MAP4K4: variants seen among roughly 807,000 people sequenced by gnomAD.
The protein encoded by MAP4K4 is HPK/GCK-like kinase HGK.
MAP4K4 carries 38 observed loss-of-function variants against 189.6 expected under a neutral mutation model. That is an observed-to-expected ratio of 0.20 (90% CI 0.15 to 0.26). MAP4K4 has a LOEUF of 0.26. Among genes scored for constraint, MAP4K4 ranks in the 10% least tolerant of loss-of-function variants. The pLI is 1.00. For missense variants in MAP4K4, 1,054 were observed against 1,726.9 expected (o/e 0.61, Z 6.91); for synonymous variants, 610 against 624.3 (o/e 0.98, Z 0.34).
At chr2:101,859,158 G>A in intron 14 of MAP4K4, 76 bp downstream of exon 14, 1 of 1,367,850 alleles carries the variant, frequency 7.3e-7, no homozygotes. Flanking sequence ...AAGCTGTGGT[G>A]GTCACCAGAC....
intron 9 of MAP4K4, among the ~76,000 whole-genome samples, chr2:101,837,002 T>G (rs895567315): frequency 9.9e-5 from 15 of 152,132 alleles, no homozygotes; most frequent in African/African-American, 3.4e-4. Flanking sequence ...TCTTGTTTGT[T>G]CTGGTCTGTA....
intron 2 of MAP4K4, among the ~76,000 whole-genome samples, chr2:101,785,656 CTTCT>C (rs2090283829): frequency 7.9e-5 from 5 of 62,934 alleles, no homozygotes; most frequent in Admixed American, 6.2e-4. Flanking sequence ...ACATTGCCAT[CTTCT>C]TCTTTCTTTC....
intron 2 of MAP4K4, among the ~76,000 whole-genome samples, chr2:101,745,367 A>G (rs1276562905): frequency 4.9e-5 from 6 of 123,100 alleles, no homozygotes; most frequent in African/African-American, 1.8e-4. Context: ...CCTCCTCCCA[A>G]ATAATACTGT....
chr2:101,875,136 C>A (rs1205032706), intron 26 of MAP4K4, among the ~76,000 whole-genome samples: 1 of 152,120 alleles, frequency 6.6e-6, no homozygotes, highest in African/African-American at 2.4e-5. Flanking sequence ...GGCAGCAGTT[C>A]TATCAATAAA....
rs766397676 is a variant in MAP4K4 at position 101,858,953 on chromosome 2, T to C, written c.1396-43T>C. 2.0e-6 allele frequency: 3 copies of C among 1,493,358 alleles called. No individual in the cohort carries two copies. In the African/African-American group the frequency reaches 4.1e-5, roughly 21 times the overall value. The allele number at this position is 1,493,358 out of a possible 1,614,324, so 92.5% of individuals were successfully genotyped here. On this transcript the variant is annotated intron_variant, in intron 13 of 32. Transcript: ENST00000324219. ...CTCCATTCAGGTGGTTCTGATGCTT[T>C]TCTTTGGGATAATTTGATTGCTGGG... is the stretch of plus-strand genomic sequence containing the variant.
intron 2 of MAP4K4, among the ~76,000 whole-genome samples, chr2:101,751,760 C>G (rs1343731337): frequency 6.6e-6 from 1 of 152,206 alleles, no homozygotes; most frequent in Non-Finnish European, 1.5e-5. Context: ...GGCTCGACTA[C>G]AGACACCTGT....
intron 2 of MAP4K4, among the ~76,000 whole-genome samples, chr2:101,731,831 C>T (rs964008722): frequency 1.3e-5 from 2 of 151,730 alleles, no homozygotes; most frequent in Non-Finnish European, 2.9e-5. Context: ...AATAATGCAC[C>T]CTGTTCCTGT....
At chr2:101,809,167 A>C (rs371599688) in intron 3 of MAP4K4, among the ~76,000 whole-genome samples, 1 of 152,316 alleles carries the variant, frequency 6.6e-6, no homozygotes, top group Non-Finnish European at 1.5e-5. Flanking sequence ...TCACCACTTC[A>C]TGGTACACCT....
intron 2 of MAP4K4, among the ~76,000 whole-genome samples, chr2:101,716,640 G>A (rs1451025739): frequency 1.3e-5 from 2 of 152,106 alleles, no homozygotes; most frequent in Non-Finnish European, 2.9e-5. Context: ...CTGGCTTCGT[G>A]TTGTATAAGC....
chr2:101,700,299 A>G (rs1281241130), intron 2 of MAP4K4, among the ~76,000 whole-genome samples: 7 of 152,192 alleles, frequency 4.6e-5, no homozygotes. Flanking sequence ...CCTCATTGCC[A>G]TTTTGGTTCC....
At chr2:101,781,295 T>G (rs756502675) in intron 2 of MAP4K4, among the ~76,000 whole-genome samples, 2 of 152,120 alleles carry the variant, frequency 1.3e-5, no homozygotes, top group Non-Finnish European at 2.9e-5. Context: ...TCACCAGATG[T>G]CTCTAAAACT....
At chr2:101,776,587 CAA>C (rs1208423161) in intron 2 of MAP4K4, among the ~76,000 whole-genome samples, 3 of 111,102 alleles carry the variant, frequency 2.7e-5, no homozygotes, top group Admixed American at 2.0e-4. Flanking sequence ...CCCACCCCCC[CAA>C]AAAAAAACAC....
At chr2:101,699,644 G>T (rs930010823) in intron 2 of MAP4K4, among the ~76,000 whole-genome samples, 1 of 152,166 alleles carries the variant, frequency 6.6e-6, no homozygotes, top group African/African-American at 2.4e-5. Flanking sequence ...TCTTAGGCTA[G>T]ATTAAGTGTG....
intron 6 of MAP4K4, 140 bp from the exon 7 acceptor site, chr2:101,831,581 C>T (rs2096596314): frequency 1.4e-5 from 13 of 903,922 alleles, no homozygotes; most frequent in Non-Finnish European, 2.3e-5. Context: ...TGGTGCCTGC[C>T]TTGAGCAGGA....
At chr2:101,857,651 T>G (rs1221061112) in intron 13 of MAP4K4, among the ~76,000 whole-genome samples, 6 of 152,168 alleles carry the variant, frequency 3.9e-5, no homozygotes, top group Non-Finnish European at 8.8e-5. Flanking sequence ...ACAAGAGACG[T>G]AGATCCCAGG....
At chr2:101,788,981 C>T (rs2092339064) in intron 2 of MAP4K4, among the ~76,000 whole-genome samples, 1 of 152,160 alleles carries the variant, frequency 6.6e-6, no homozygotes, top group Non-Finnish European at 1.5e-5. Context: ...ATCAGATACT[C>T]AGAAGACCCT....
chr2:101,828,222 G>GT (rs2096449007), intron 5 of MAP4K4, among the ~76,000 whole-genome samples: 1 of 152,222 alleles, frequency 6.6e-6, no homozygotes, highest in African/African-American at 2.4e-5. Context: ...TATGTTTGTT[G>GT]TTAAGATAGT....
chr2:101,882,415 T>G (rs938216624), intron 27 of MAP4K4, 136 bp from the exon 28 acceptor site: 7 of 561,960 alleles, frequency 1.2e-5, no homozygotes, highest in African/African-American at 1.9e-5. Flanking sequence ...GTGGTACACA[T>G]CTCCAACTTG....
At chr2:101,870,560 G>T in intron 23 of MAP4K4, 145 bp downstream of exon 23, 2 of 1,118,174 alleles carry the variant, frequency 1.8e-6, no homozygotes, top group South Asian at 3.1e-5. Context: ...GAGTGTCGGG[G>T]GCTAGGGAGG....
Sources: gnomAD v4.1 joint callset for allele counts (sites outside exome capture counted in the v4.1 genomes callset) on GRCh38, gnomAD v4.1.1 for gene constraint, MANE v1.5 for transcripts, NCBI Gene and HGNC (gene_info 2026-07-23, HGNC 2026-07-21) for gene names.